Variants in NBEA observed in about 807,000 individuals in gnomAD.
The protein encoded by NBEA is neurobeachin, also known as lysosomal-trafficking regulator 2.
In NBEA, 44 loss-of-function variants were observed where a neutral mutation model predicts 343.4. The observed-to-expected ratio is 0.13, with a 90% CI of 0.10 to 0.16. The LOEUF is 0.16. Ranked by LOEUF, NBEA falls within the 10% of genes least tolerant of loss-of-function variation. NBEA has a pLI of 1.00. For missense variants in NBEA, 2,555 were observed against 3,631.3 expected (o/e 0.70, Z 7.62); for synonymous variants, 1,175 against 1,238.7 (o/e 0.95, Z 1.08).
At chr13:35,182,591 A>T in intron 29 of NBEA, 63 bp downstream of exon 29, 1 of 1,444,008 alleles carries the variant, frequency 6.9e-7, no homozygotes, top group Non-Finnish European at 9.4e-7. Context: ...TTTCACCTTT[A>T]CATCTAGATT....
intron 10 of NBEA, among the ~76,000 whole-genome samples, chr13:35,085,529 A>G (rs950596069): frequency 6.6e-6 from 1 of 152,190 alleles, no homozygotes; most frequent in African/African-American, 2.4e-5. Context: ...GACAAAATTC[A>G]ACAACCTTCA....
chr13:35,454,854 C>A (rs181944062), intron 40 of NBEA, among the ~76,000 whole-genome samples: 1 of 151,196 alleles, frequency 6.6e-6, no homozygotes, highest in Admixed American at 6.6e-5. Flanking sequence ...AATGAGACTC[C>A]GTCTCAACAA....
At chr13:35,080,667 G>T (rs979895109) in intron 10 of NBEA, among the ~76,000 whole-genome samples, 2 of 152,126 alleles carry the variant, frequency 1.3e-5, no homozygotes, top group Admixed American at 6.6e-5. Flanking sequence ...AGTACACTAG[G>T]TAGCACATCT....
At chr13:35,032,649 A>C (rs2062276688) in intron 1 of NBEA, among the ~76,000 whole-genome samples, 2 of 151,326 alleles carry the variant, frequency 1.3e-5, no homozygotes, top group Admixed American at 1.3e-4. Flanking sequence ...CCTTTTCTTC[A>C]CATTTTTGCC....
chr13:35,501,955 A>G (rs1392075747), intron 41 of NBEA, among the ~76,000 whole-genome samples: 2 of 152,118 alleles, frequency 1.3e-5, no homozygotes, highest in African/African-American at 2.4e-5. Context: ...ACACGTGAAC[A>G]TCCTTCCACA....
At chr13:35,324,837 G>A (rs2038429654) in intron 36 of NBEA, among the ~76,000 whole-genome samples, 1 of 152,022 alleles carries the variant, frequency 6.6e-6, no homozygotes, top group African/African-American at 2.4e-5. Flanking sequence ...TTGAGAGAGA[G>A]GACCTAAGCA....
chr13:35,272,820 C>G (rs774009832), intron 34 of NBEA, among the ~76,000 whole-genome samples: 1 of 152,062 alleles, frequency 6.6e-6, no homozygotes, highest in African/African-American at 2.4e-5. Context: ...TAAATATATA[C>G]GTGCCCAATA....
intron 45 of NBEA, among the ~76,000 whole-genome samples, chr13:35,581,884 TAAA>T (rs67036210): frequency 1.9e-3 from 213 of 110,472 alleles, no homozygotes; most frequent in African/African-American, 7.5e-3. Context: ...AAAGTATAAT[TAAA>T]AAAAAAAAAA....
chr13:35,316,896 A>G (rs1396546605), intron 36 of NBEA, among the ~76,000 whole-genome samples: 4 of 152,176 alleles, frequency 2.6e-5, no homozygotes, highest in African/African-American at 7.2e-5. Context: ...TGTTGACCAC[A>G]TAAATGACAT....
In NBEA at chr13:35,475,071, C is replaced by G. The variant is rs1286955253; in HGVS notation, c.6585+2535C>G. ...ATTAAATCATCCTCTAAAGTTTTTC[C>G]AAACTTTTCGGGTTGGTCAGGATCT... On this transcript the variant is annotated intron_variant, in intron 41 of 58. Coordinates refer to ENST00000379939, the MANE Select transcript of NBEA (RefSeq NM_001385012.1). 3 of 1,610,360 alleles carry G rather than the reference C, an allele frequency of 1.9e-6. No individual in the cohort carries two copies. In the African/African-American group the frequency reaches 4.0e-5, roughly 22 times the overall value.
chr13:35,619,127 T>A (rs1213773635), intron 48 of NBEA, among the ~76,000 whole-genome samples: 3 of 151,606 alleles, frequency 2.0e-5, no homozygotes, highest in Non-Finnish European at 4.4e-5. Flanking sequence ...AATCTACTTT[T>A]AAAAACCCCA....
At chr13:35,341,095 G>A (rs773685682) in intron 36 of NBEA, among the ~76,000 whole-genome samples, 23 of 152,016 alleles carry the variant, frequency 1.5e-4, no homozygotes, top group Admixed American at 7.9e-4. Flanking sequence ...ATATACTTAT[G>A]GTCAATTTAT....
intron 41 of NBEA, chr13:35,474,455 C>A (rs1348556397): frequency 6.6e-6 from 1 of 152,536 alleles, no homozygotes; most frequent in Non-Finnish European, 1.5e-5. Flanking sequence ...TTTTAAAGTT[C>A]AGACACTTTC....
chr13:35,040,376 T>TA (rs540402693), intron 1 of NBEA, among the ~76,000 whole-genome samples: 54 of 148,534 alleles, frequency 3.6e-4, no homozygotes, highest in East Asian at 1.2e-3. Flanking sequence ...ATTTGTGCTT[T>TA]AAAAAAAAAA....
chr13:35,057,272 C>T (rs2063304976), intron 7 of NBEA, among the ~76,000 whole-genome samples: 1 of 152,086 alleles, frequency 6.6e-6, no homozygotes, highest in Non-Finnish European at 1.5e-5. Context: ...CTTATCCTGT[C>T]TTGTATTCTT....
chr13:35,403,168 A>T (rs2043075346), intron 38 of NBEA, among the ~76,000 whole-genome samples: 1 of 151,868 alleles, frequency 6.6e-6, no homozygotes, highest in Non-Finnish European at 1.5e-5. Context: ...TCACATTAAC[A>T]AATAATAAAT....
At chr13:35,148,611 A>G (rs932636024) in intron 18 of NBEA, among the ~76,000 whole-genome samples, 5 of 152,208 alleles carry the variant, frequency 3.3e-5, no homozygotes, top group Admixed American at 1.3e-4. Context: ...ATATATATAT[A>G]TATTTCTCAA....
At chr13:35,471,592 G>T (rs963305800) in intron 40 of NBEA, among the ~76,000 whole-genome samples, 3 of 152,114 alleles carry the variant, frequency 2.0e-5, no homozygotes, top group African/African-American at 7.2e-5. Context: ...TATTCCATAC[G>T]CGTAATTCGT....
At chr13:35,259,423 T>TC in intron 34 of NBEA, among the ~76,000 whole-genome samples, 1 of 152,256 alleles carries the variant, frequency 6.6e-6, no homozygotes, top group Non-Finnish European at 1.5e-5. Context: ...CAGCTGTAGT[T>TC]CCTAGAGTTG....
Sources: gnomAD v4.1 joint callset for allele counts (sites outside exome capture counted in the v4.1 genomes callset) on GRCh38, gnomAD v4.1.1 for gene constraint, MANE v1.5 for transcripts, NCBI Gene and HGNC (gene_info 2026-07-23, HGNC 2026-07-21) for gene names.